PKP4: variants seen among roughly 807,000 people sequenced by gnomAD.
The protein encoded by PKP4 is plakophilin 4, also known as plakophilin-4.
A neutral mutation model predicts 145.1 loss-of-function variants in PKP4; 90 were observed. The ratio of observed to expected loss-of-function variants is 0.62; its 90% CI spans 0.52 to 0.74. PKP4 has a LOEUF of 0.74. Ranked by LOEUF, PKP4 falls within the 30% of genes least tolerant of loss-of-function variation. PKP4 has a pLI of 0.00. For synonymous variants in PKP4, 563 were observed against 577.2 expected (o/e 0.98, Z 0.35); for missense variants, 1,340 against 1,482.7 (o/e 0.90, Z 1.58).
chr2:158,572,189 A>G (rs1227375213), intron 2 of PKP4, among the ~76,000 whole-genome samples: 1 of 152,228 alleles, frequency 6.6e-6, no homozygotes, highest in African/African-American at 2.4e-5. Flanking sequence ...AGTTCAGTAG[A>G]TGAGATAAAC....
At chr2:158,654,474 T>A (rs1346226751) in intron 11 of PKP4, among the ~76,000 whole-genome samples, 1 of 152,206 alleles carries the variant, frequency 6.6e-6, no homozygotes, top group African/African-American at 2.4e-5. Flanking sequence ...ACATATTTTT[T>A]AACAACTTTA....
At position 158,634,220 on chromosome 2, in the gene PKP4, A is replaced by C; in HGVS notation, c.1493A>C (p.Gln498Pro). The C allele has an allele frequency of 6.2e-7, 1 of 1,614,196 alleles. No homozygotes were observed. Among genetic ancestry groups the C allele is most frequent in the Non-Finnish European group, 8.5e-7 (1 of 1,180,036 alleles). ...RVQECNYNRL[Q>P]HAVPADDGTT... Reference sequence around the variant, plus strand: ...CAAGAGTGCAATTATAACAGGCTTCAGCATGCAGTGCCGGCTGATGATGGC... The same window carrying C: ...CAAGAGTGCAATTATAACAGGCTTCCGCATGCAGTGCCGGCTGATGATGGC... Residue 498 changes from glutamine to proline, a missense_variant, in exon 9 of 22, where the codon CAG becomes CCG. Gln to Pro is a moderately conservative substitution (Grantham distance 76). Coordinates refer to ENST00000389759, the MANE Select transcript of PKP4 (RefSeq NM_003628.6).
intron 1 of PKP4, among the ~76,000 whole-genome samples, chr2:158,519,791 A>G (rs1214193012): frequency 1.3e-5 from 2 of 152,158 alleles, no homozygotes; most frequent in African/African-American, 2.4e-5. Context: ...AAAAGTTGAA[A>G]TTTATGCTCA....
intron 6 of PKP4, among the ~76,000 whole-genome samples, chr2:158,622,374 A>T (rs375676739): frequency 6.6e-6 from 1 of 152,206 alleles, no homozygotes; most frequent in Admixed American, 6.5e-5. Flanking sequence ...CTGTATTCAC[A>T]TCAGTCCACC....
chr2:158,656,044 G>A (rs922769948), intron 11 of PKP4, among the ~76,000 whole-genome samples: 7 of 152,186 alleles, frequency 4.6e-5, no homozygotes, highest in Admixed American at 1.3e-4. Flanking sequence ...TTCTGTGGTC[G>A]TCAGGCTTAT....
At chr2:158,515,496 A>G (rs977373826) in intron 1 of PKP4, among the ~76,000 whole-genome samples, 3 of 152,184 alleles carry the variant, frequency 2.0e-5, no homozygotes, top group Admixed American at 1.3e-4. Flanking sequence ...CTCAGCCTTC[A>G]GCAAAAACAG....
rs137913974 is a variant in PKP4, at chr2:158,676,740, C to T, written c.3129C>T (p.Val1043=). Residue 1043 remains valine (V), a splice_region_variant and synonymous_variant, in exon 20 of 22, where the codon GTC becomes GTT. Coordinates refer to ENST00000389759, the MANE Select transcript of PKP4 (RefSeq NM_003628.6). Reference sequence around the variant, plus strand: ...CTCCTCCTTTGCCTCTCCCTTCAGTCGGCAGCACCTCTTCCTCACCAGCAC... The same window carrying T: ...CTCCTCCTTTGCCTCTCCCTTCAGTTGGCAGCACCTCTTCCTCACCAGCAC... ...NQQMSPIIQS[V]GSTSSSPALL... 1.0e-4 allele frequency: 165 copies of T among 1,614,126 alleles called. No homozygotes were observed. The African/African-American group carries it at 1.7e-3, about 17-fold the overall frequency.
At chr2:158,643,695 C>T (rs2054526359) in intron 11 of PKP4, among the ~76,000 whole-genome samples, 3 of 129,436 alleles carry the variant, frequency 2.3e-5, no homozygotes, top group South Asian at 2.5e-4. Context: ...GCCTGGATGA[C>T]AAGTGAGGCC....
intron 1 of PKP4, among the ~76,000 whole-genome samples, chr2:158,530,977 G>C (rs2043489516): frequency 6.6e-6 from 1 of 152,012 alleles, no homozygotes; most frequent in African/African-American, 2.4e-5. Context: ...TTTACATCTT[G>C]CCGTACTCTG....
At chr2:158,622,300 G>T (rs1192441932) in intron 6 of PKP4, among the ~76,000 whole-genome samples, 1 of 151,890 alleles carries the variant, frequency 6.6e-6, no homozygotes, top group African/African-American at 2.4e-5. Context: ...TCTCTAACTT[G>T]ATAGCAAAAA....
intron 2 of PKP4, among the ~76,000 whole-genome samples, chr2:158,575,202 GATC>G (rs2047742928): frequency 6.6e-6 from 1 of 152,164 alleles, no homozygotes; most frequent in Non-Finnish European, 1.5e-5. Flanking sequence ...TCCATGTCAG[GATC>G]TTGACCTTGA....
At chr2:158,552,300 T>A (rs2045700741) in intron 2 of PKP4, among the ~76,000 whole-genome samples, 1 of 152,244 alleles carries the variant, frequency 6.6e-6, no homozygotes, top group Non-Finnish European at 1.5e-5. Flanking sequence ...AAATGATTTC[T>A]GATTTCTGGT....
At chr2:158,519,184 G>T (rs531450675) in intron 1 of PKP4, among the ~76,000 whole-genome samples, 3 of 150,968 alleles carry the variant, frequency 2.0e-5, no homozygotes, top group Admixed American at 2.0e-4. Flanking sequence ...GAATTATTTA[G>T]GTCACTCTTA....
At chr2:158,534,374 CA>C (rs1258833278) in intron 2 of PKP4, among the ~76,000 whole-genome samples, 4 of 152,088 alleles carry the variant, frequency 2.6e-5, no homozygotes, top group Non-Finnish European at 5.9e-5. Context: ...AACAAGATGT[CA>C]ACATTTTTTT....
intron 1 of PKP4, among the ~76,000 whole-genome samples, chr2:158,491,243 GTGTGACAGTTTCTGTGGGAAA>G (rs1350216469): frequency 4.6e-5 from 7 of 152,076 alleles, no homozygotes; most frequent in Non-Finnish European, 7.4e-5. Flanking sequence ...CTTGGGACCT[GTGTGACAGTTTCTGTGGGAAA>G]TATGCCTAGC....
chr2:158,606,065 T>A (rs1174364257), intron 4 of PKP4, among the ~76,000 whole-genome samples: 1 of 152,244 alleles, frequency 6.6e-6, no homozygotes, highest in African/African-American at 2.4e-5. Flanking sequence ...ATAATGCTTT[T>A]ATGACCATTT....
chr2:158,467,271 A>G (rs917368975), intron 1 of PKP4, among the ~76,000 whole-genome samples: 3 of 152,182 alleles, frequency 2.0e-5, no homozygotes, highest in Admixed American at 2.0e-4. Flanking sequence ...CAATGTCACA[A>G]CCAGGATATT....
intron 2 of PKP4, among the ~76,000 whole-genome samples, chr2:158,571,157 C>T (rs1432196260): frequency 6.6e-6 from 1 of 152,108 alleles, no homozygotes; most frequent in African/African-American, 2.4e-5. Context: ...ATTGTAGTAG[C>T]TATTGCAGCT....
At chr2:158,550,548 G>A (rs1318258825) in intron 2 of PKP4, among the ~76,000 whole-genome samples, 13 of 152,194 alleles carry the variant, frequency 8.5e-5, no homozygotes, top group Non-Finnish European at 7.3e-5. Flanking sequence ...GATGGGGTGT[G>A]ATTTCTAGTC....
Sources: allele counts gnomAD v4.1 joint callset (sites outside exome capture counted in the v4.1 genomes callset), GRCh38; gene constraint gnomAD v4.1.1; transcripts MANE v1.5; gene names NCBI Gene and HGNC (gene_info 2026-07-23, HGNC 2026-07-21).